Variants in LRRC7 observed in about 807,000 individuals in gnomAD.
LRRC7 encodes leucine rich repeat containing 7, also known as leucine-rich repeat-containing protein 7.
Under a neutral mutation model 175.7 loss-of-function variants are expected in LRRC7, and 23 were observed. The observed-to-expected ratio is 0.13, with a 90% CI of 0.09 to 0.19. The LOEUF (loss-of-function observed/expected upper bound fraction) is 0.19. Among genes scored for constraint, LRRC7 ranks in the 10% least tolerant of loss-of-function variants. The probability of loss-of-function intolerance (pLI) is 1.00; values close to 1 mark genes in which losing one functional copy is unlikely to be tolerated. For missense variants in LRRC7, 1,354 were observed against 1,904.7 expected, an observed-to-expected ratio of 0.71 and a Z score of 5.38; for synonymous variants, 685 against 680.9, an observed-to-expected ratio of 1.01 and a Z score of -0.09.
chr1:69,955,743 A>T (rs1281774070), intron 8 of LRRC7, among the ~76,000 whole-genome samples: 3 of 151,756 alleles, frequency 2.0e-5, no homozygotes, highest in Non-Finnish European at 4.4e-5. Flanking sequence ...AATCCAAGCA[A>T]TTTTTTTTCA....
chr1:69,919,730 G>T (rs761106082), intron 7 of LRRC7: 17 of 1,021,280 alleles, frequency 1.7e-5, no homozygotes, highest in Non-Finnish European at 2.4e-5. Context: ...CTTCAGCAAA[G>T]GTCAGATGCA....
At position 69,871,164 on chromosome 1, in the gene LRRC7, C is replaced by T. The variant is rs548530487; in HGVS notation, c.647+32881C>T. ...ATTATAAAGATTTATGTATTGATCA[C>T]CTTGATGTTTAAAGAAAATGATGTA... On this transcript the variant is annotated intron_variant, in intron 7 of 26. Transcript: ENST00000651989. 4.6e-5 allele frequency among the ~76,000 whole-genome samples: 7 copies of T among 152,026 alleles called. No individual in the cohort carries two copies. The South Asian group carries it at 8.3e-4, about 18-fold the overall frequency.
chr1:70,054,159 C>T (rs1660955555), intron 23 of LRRC7, among the ~76,000 whole-genome samples: 1 of 152,106 alleles, frequency 6.6e-6, no homozygotes, highest in African/African-American at 2.4e-5. Context: ...ATTCAGGGTA[C>T]TTGAAATGTT....
rs532374683 is a variant in LRRC7, at chr1:70,100,250, T to C, written c.4546-7502T>C. ...ATCAGTATCAAACTATAAAAAATAT[T>C]CTAGTATTTATATATCATTTCTAAA... On this transcript the variant is annotated intron_variant, in intron 25 of 26. Coordinates refer to ENST00000651989, the MANE Select transcript of LRRC7 (RefSeq NM_001370785.2). Among the ~76,000 whole-genome samples the C allele has an allele frequency of 4.6e-5, 7 of 152,234 alleles. No individual in the cohort carries two copies. The East Asian group carries it at 1.3e-3, about 29-fold the overall frequency.
At chr1:69,816,060 A>T (rs1678556947) in intron 4 of LRRC7, among the ~76,000 whole-genome samples, 1 of 151,948 alleles carries the variant, frequency 6.6e-6, no homozygotes, top group African/African-American at 2.4e-5. Flanking sequence ...AGCTCACTGC[A>T]ATCCCCACCT....
At chr1:70,110,029 T>G (rs1038464274) in intron 26 of LRRC7, among the ~76,000 whole-genome samples, 1 of 152,188 alleles carries the variant, frequency 6.6e-6, no homozygotes, top group African/African-American at 2.4e-5. Context: ...AATTCAGAAA[T>G]GTATATGTAA....
intron 1 of LRRC7, among the ~76,000 whole-genome samples, chr1:69,630,691 C>T (rs1652350927): frequency 1.3e-5 from 2 of 151,794 alleles, no homozygotes; most frequent in South Asian, 2.1e-4. Flanking sequence ...TATTAGATGC[C>T]TATTTTCTAT....
At chr1:69,955,167 C>T (rs1463670976) in intron 8 of LRRC7, among the ~76,000 whole-genome samples, 1 of 151,948 alleles carries the variant, frequency 6.6e-6, no homozygotes, top group African/African-American at 2.4e-5. Context: ...TTGTGTTGAT[C>T]ACTTTTTCAG....
chr1:70,006,427 G>A (rs541396314), intron 11 of LRRC7, among the ~76,000 whole-genome samples: 118 of 148,898 alleles, frequency 7.9e-4, no homozygotes, highest in Middle Eastern at 3.5e-3. Flanking sequence ...AGCCAAGATC[G>A]CAACACTGCA....
chr1:69,602,636 T>C (rs1749512), intron 1 of LRRC7, among the ~76,000 whole-genome samples: 23,027 of 152,164 alleles, frequency 0.15, 1,925 homozygotes, highest in Admixed American at 0.19. Flanking sequence ...TATTCTTTCA[T>C]AATTCTGGTG....
intron 7 of LRRC7, among the ~76,000 whole-genome samples, chr1:69,872,162 G>T (rs74087799): frequency 0.013 from 1,936 of 151,974 alleles, 39 homozygotes; most frequent in African/African-American, 0.044. Context: ...ATTTGTCTGA[G>T]CATATCCAAC....
At chr1:70,095,614 A>T (rs1344631325) in intron 25 of LRRC7, among the ~76,000 whole-genome samples, 1 of 152,188 alleles carries the variant, frequency 6.6e-6, no homozygotes. Flanking sequence ...CAATTGAAAA[A>T]TGTCGGTATC....
At chr1:70,097,006 A>G (rs981928952) in intron 25 of LRRC7, among the ~76,000 whole-genome samples, 1 of 152,238 alleles carries the variant, frequency 6.6e-6, no homozygotes, top group Non-Finnish European at 1.5e-5. Flanking sequence ...ATACACTGTC[A>G]GTCTCAGATG....
chr1:69,571,484 T>G (rs987235516), intron 1 of LRRC7, among the ~76,000 whole-genome samples: 46 of 152,200 alleles, frequency 3.0e-4, no homozygotes, highest in African/African-American at 1.1e-3. Context: ...AATATGAATG[T>G]TATTGCTTAT....
chr1:70,121,202 T>A (rs1666187799), intron 26 of LRRC7, among the ~76,000 whole-genome samples: 1 of 152,070 alleles, frequency 6.6e-6, no homozygotes, highest in Non-Finnish European at 1.5e-5. Flanking sequence ...TTAAGTATAC[T>A]GGATTGATTG....
rs536929817 is a variant in LRRC7 at position 70,127,967 on chromosome 1, CT to C, written c.*6089del. Among the ~76,000 whole-genome samples, 6 of 151,282 alleles carry C rather than the reference CT, an allele frequency of 4.0e-5. No individual in the cohort carries two copies. The highest frequency in any genetic ancestry group is 7.3e-5 in the African/African-American group (3 of 41,200). ...TTTTATGTGACTTTTTCTTTTCTTTCTTTTTTTTTCTTGAGACAGAGTCTTG... is the reference window on the plus strand; with the variant it reads ...TTTTATGTGACTTTTTCTTTTCTTTCTTTTTTTTCTTGAGACAGAGTCTTG... On this transcript the variant is annotated 3_prime_UTR_variant, in exon 27 of 27. Transcript: ENST00000651989.
chr1:69,575,176 G>A (rs537280958), intron 1 of LRRC7, among the ~76,000 whole-genome samples: 11 of 152,200 alleles, frequency 7.2e-5, no homozygotes, highest in East Asian at 1.9e-4. Context: ...TTCTTGCTGA[G>A]GGTCATCCAA....
intron 3 of LRRC7, among the ~76,000 whole-genome samples, chr1:69,773,385 C>T (rs887861381): frequency 2.0e-5 from 3 of 152,108 alleles, no homozygotes; most frequent in African/African-American, 7.2e-5. Context: ...ATGATAGACA[C>T]TGAAGTTTGT....
chr1:69,632,606 T>C (rs1209705035), intron 1 of LRRC7, among the ~76,000 whole-genome samples: 1 of 152,166 alleles, frequency 6.6e-6, no homozygotes. Flanking sequence ...TCTCTTCTCA[T>C]AGTGTTTTGC....
Sources: gnomAD v4.1 joint callset for allele counts (sites outside exome capture counted in the v4.1 genomes callset) on GRCh38, gnomAD v4.1.1 for gene constraint, MANE v1.5 for transcripts, NCBI Gene and HGNC (gene_info 2026-07-23, HGNC 2026-07-21) for gene names.